PPFIA2: variants seen among roughly 807,000 people sequenced by gnomAD.
PPFIA2 encodes the protein liprin-alpha-2.
Under a neutral mutation model 175.5 loss-of-function variants are expected in PPFIA2, and 46 were observed. That is an observed-to-expected ratio of 0.26 (90% confidence interval 0.21 to 0.34). PPFIA2 has a LOEUF of 0.34. Ranked by LOEUF, PPFIA2 falls within the 10% of genes least tolerant of loss-of-function variation. The pLI is 1.00. For missense variants in PPFIA2, 1,179 were observed against 1,506.1 expected, an observed-to-expected ratio of 0.78 and a Z score of 3.60; for synonymous variants, 568 against 511.4, an observed-to-expected ratio of 1.11 and a Z score of -1.49.
intron 18 of PPFIA2, among the ~76,000 whole-genome samples, chr12:81,346,777 C>T (rs536669118): frequency 3.5e-4 from 53 of 151,900 alleles, no homozygotes; most frequent in African/African-American, 1.2e-3. Flanking sequence ...TTATAAAACT[C>T]TATCTTGGTG....
chr12:81,335,954 A>G (rs989741888), intron 21 of PPFIA2, among the ~76,000 whole-genome samples: 12 of 152,160 alleles, frequency 7.9e-5, no homozygotes, highest in Non-Finnish European at 1.6e-4. Flanking sequence ...TACAAATGGA[A>G]TTTGAATTCT....
At chr12:81,432,108 A>G (rs866977559) in intron 7 of PPFIA2, among the ~76,000 whole-genome samples, 1,336 of 73,428 alleles carry the variant, frequency 0.018, 22 homozygotes, top group African/African-American at 0.16. Context: ...AAGATAAATA[A>G]TTAGTTTTTT....
intron 4 of PPFIA2, among the ~76,000 whole-genome samples, chr12:81,590,170 G>A (rs1488310864): frequency 1.3e-5 from 2 of 152,012 alleles, no homozygotes; most frequent in Non-Finnish European, 2.9e-5. Flanking sequence ...CAGCTAAGAG[G>A]TATTTTGTAT....
chr12:81,676,898 C>T (rs2072623524), intron 3 of PPFIA2, 54 bp from the exon 4 acceptor site: 2 of 1,242,392 alleles, frequency 1.6e-6, no homozygotes, highest in South Asian at 1.5e-5. Context: ...CATGAAGAAT[C>T]CCCCAGTCCC....
At chr12:81,739,948 T>C (rs192068593) in intron 3 of PPFIA2, among the ~76,000 whole-genome samples, 2 of 152,264 alleles carry the variant, frequency 1.3e-5, no homozygotes, top group East Asian at 1.9e-4. Context: ...TCTTTGTACT[T>C]GCCTGGAAGA....
At chr12:81,558,925 C>A (rs960378643) in intron 4 of PPFIA2, among the ~76,000 whole-genome samples, 2 of 152,102 alleles carry the variant, frequency 1.3e-5, no homozygotes, top group African/African-American at 4.8e-5. Flanking sequence ...AATATAGTCC[C>A]TTCTAAACTA....
chr12:81,386,719 T>C (rs2142076846), intron 8 of PPFIA2, among the ~76,000 whole-genome samples: 1 of 152,100 alleles, frequency 6.6e-6, no homozygotes, highest in South Asian at 2.1e-4. Flanking sequence ...GGTGCAGCAA[T>C]TTGGGAGAAA....
Position 81,443,845 on chromosome 12 carries a change from C to CTTTTT in PPFIA2, c.570+1706_570+1710dup, listed in dbSNP as rs1183160145. ...ATACCTAGATCAAATGCCAACCTTT[C>CTTTTT]TTTTTTTTTTTTTTTTTTTTTTTTT... On this transcript the variant is annotated intron_variant, in intron 6 of 32. Transcript: ENST00000549396. 8.4e-3 allele frequency among the ~76,000 whole-genome samples: 597 copies of CTTTTT among 71,214 alleles called. 37 individuals are homozygous for CTTTTT. The highest frequency in any genetic ancestry group is 9.8e-3 in the Non-Finnish European group (359 of 36,490). The allele number at this position is 71,214 out of a possible 152,430, so 46.7% of individuals were successfully genotyped here.
chr12:81,370,501 G>T (rs1254880182), intron 11 of PPFIA2, among the ~76,000 whole-genome samples: 1 of 151,838 alleles, frequency 6.6e-6, no homozygotes, highest in African/African-American at 2.4e-5. Context: ...ATTATCAATT[G>T]ACAACAATGC....
chr12:81,715,879 T>C (rs2078549015), intron 3 of PPFIA2, among the ~76,000 whole-genome samples: 1 of 151,600 alleles, frequency 6.6e-6, no homozygotes, highest in Non-Finnish European at 1.5e-5. Context: ...TGAACACAAT[T>C]ATAGTTTCTT....
intron 7 of PPFIA2, among the ~76,000 whole-genome samples, chr12:81,418,715 A>T (rs928581261): frequency 6.6e-6 from 1 of 151,952 alleles, no homozygotes; most frequent in East Asian, 1.9e-4. Flanking sequence ...GGAAAAAAAA[A>T]CTGTTCAAAT....
At chr12:81,487,824 T>A (rs1197739482) in intron 4 of PPFIA2, among the ~76,000 whole-genome samples, 2 of 151,782 alleles carry the variant, frequency 1.3e-5, no homozygotes, top group Non-Finnish European at 2.9e-5. Flanking sequence ...CAAAACTATA[T>A]GGAAAGAATA....
At chr12:81,713,705 A>G (rs1203932629) in intron 3 of PPFIA2, among the ~76,000 whole-genome samples, 1 of 151,166 alleles carries the variant, frequency 6.6e-6, no homozygotes, top group Non-Finnish European at 1.5e-5. Context: ...CCTATAGCAT[A>G]TTGTTCAGGT....
chr12:81,645,324 C>G (rs2065914871), intron 4 of PPFIA2, among the ~76,000 whole-genome samples: 1 of 152,086 alleles, frequency 6.6e-6, no homozygotes, highest in Non-Finnish European at 1.5e-5. Context: ...TCAGTTCCTT[C>G]AAGACTCATA....
intron 9 of PPFIA2, chr12:81,378,125 G>C (rs2036813714): frequency 6.6e-6 from 1 of 152,074 alleles, no homozygotes; most frequent in Non-Finnish European, 1.5e-5. Context: ...TAGAAGGGGG[G>C]AAGAAGAAAT....
intron 3 of PPFIA2, among the ~76,000 whole-genome samples, chr12:81,710,295 C>T (rs922623717): frequency 2.2e-5 from 2 of 92,808 alleles, no homozygotes; most frequent in African/African-American, 1.0e-4. Context: ...ATGAAAATTG[C>T]ACACTCTCTC....
chr12:81,442,977 G>A (rs2145147914), intron 6 of PPFIA2, among the ~76,000 whole-genome samples: 1 of 144,036 alleles, frequency 6.9e-6, no homozygotes, highest in Middle Eastern at 3.6e-3. Context: ...TAGGGAAATT[G>A]TCTATGAAGG....
intron 4 of PPFIA2, among the ~76,000 whole-genome samples, chr12:81,586,763 C>T (rs61937277): frequency 0.061 from 9,242 of 151,776 alleles, 406 homozygotes; most frequent in East Asian, 0.22. Flanking sequence ...TTTTACTGAG[C>T]TTCCCTAATT....
At chr12:81,508,891 T>C (rs1000397024) in intron 4 of PPFIA2, among the ~76,000 whole-genome samples, 2 of 151,860 alleles carry the variant, frequency 1.3e-5, no homozygotes, top group Admixed American at 6.6e-5. Context: ...TGCGATAGTT[T>C]ACACATGCAC....
Sources: gnomAD v4.1 joint callset for allele counts (sites outside exome capture counted in the v4.1 genomes callset) on GRCh38, gnomAD v4.1.1 for gene constraint, MANE v1.5 for transcripts, NCBI Gene and HGNC (gene_info 2026-07-23, HGNC 2026-07-21) for gene names.